MCF2L2: variants seen among roughly 807,000 people sequenced by gnomAD.
MCF2L2 encodes the protein MCF.2 cell line derived transforming sequence-like 2.
A neutral mutation model predicts 150.2 loss-of-function variants in MCF2L2; 102 were observed. That is an observed-to-expected ratio of 0.68 (90% CI 0.58 to 0.80). MCF2L2 has a LOEUF of 0.80. Ranked by LOEUF, MCF2L2 falls within the 30% of genes least tolerant of loss-of-function variation. The pLI is 0.00. For missense variants in MCF2L2, 1,256 were observed against 1,372.8 expected (o/e 0.91, Z 1.34); for synonymous variants, 465 against 491.3 (o/e 0.95, Z 0.71).
chr3:183,408,517 A>C (rs528063110), intron 1 of MCF2L2, among the ~76,000 whole-genome samples: 42 of 152,176 alleles, frequency 2.8e-4, no homozygotes, highest in Non-Finnish European at 4.4e-4. Flanking sequence ...GGTTATCCCC[A>C]CTCCTTCATA....
chr3:183,287,271 C>T (rs556690155), intron 14 of MCF2L2, among the ~76,000 whole-genome samples: 40 of 152,254 alleles, frequency 2.6e-4, no homozygotes, highest in African/African-American at 7.5e-4. Flanking sequence ...TTAAAACTCC[C>T]GTAGCATTTT....
intron 14 of MCF2L2, 141 bp downstream of exon 14, chr3:183,288,979 C>A: frequency 1.1e-5 from 6 of 557,902 alleles, no homozygotes; most frequent in African/African-American, 3.8e-5. Context: ...TCCTATAAAC[C>A]CCAGTTCTTG....
At chr3:183,423,642 T>TG (rs1716005692) in intron 1 of MCF2L2, among the ~76,000 whole-genome samples, 5 of 143,496 alleles carry the variant, frequency 3.5e-5, no homozygotes, top group African/African-American at 7.7e-5. Flanking sequence ...GTTTTTTTTT[T>TG]TTTTTTTTTT....
At chr3:183,311,942 C>T (rs928888369) in intron 7 of MCF2L2, among the ~76,000 whole-genome samples, 170 bp from the exon 8 acceptor site, 8 of 151,996 alleles carry the variant, frequency 5.3e-5, no homozygotes, top group Admixed American at 4.6e-4. Context: ...GGTAACACAC[C>T]GACATGATAC....
In MCF2L2 at chr3:183,338,781, G is replaced by A. The variant is rs1272071555; in HGVS notation, c.486+19C>T. The A allele has an allele frequency of 1.9e-6, 3 of 1,590,174 alleles. No individual in the cohort carries two copies. The highest frequency in any genetic ancestry group is 2.3e-5 in the South Asian group (2 of 88,306). On this transcript the variant is annotated intron_variant, in intron 5 of 29. Transcript: ENST00000328913. The stretch of plus-strand genomic sequence containing the variant: ...CAGAAGCCCTAACCAAATGAGACAA[G>A]ATGAAAGGTCTTGCTTACCGGCACT...
At chr3:183,326,192 C>T (rs1407781974) in intron 5 of MCF2L2, among the ~76,000 whole-genome samples, 1 of 152,030 alleles carries the variant, frequency 6.6e-6, no homozygotes, top group Non-Finnish European at 1.5e-5. Flanking sequence ...ATTTTTTAAA[C>T]TTTTTATCCT....
chr3:183,360,546 G>A (rs928734820), intron 3 of MCF2L2, among the ~76,000 whole-genome samples: 9 of 152,008 alleles, frequency 5.9e-5, no homozygotes, highest in African/African-American at 2.2e-4. Context: ...ACTCCAGCCT[G>A]GGTGACAGAA....
chr3:183,206,062 G>A, intron 24 of MCF2L2, 60 bp downstream of exon 24: 2 of 1,569,282 alleles, frequency 1.3e-6, no homozygotes, highest in Non-Finnish European at 1.8e-6. Flanking sequence ...CACTTGTCAA[G>A]TCATGGGAAC....
At chr3:183,422,309 T>C (rs1425276916) in intron 1 of MCF2L2, among the ~76,000 whole-genome samples, 3 of 152,214 alleles carry the variant, frequency 2.0e-5, no homozygotes, top group African/African-American at 7.2e-5. Flanking sequence ...CACTCAGTTT[T>C]AGCTAAAGTC....
At chr3:183,198,929 T>C (rs142268784) in intron 25 of MCF2L2, among the ~76,000 whole-genome samples, 100 of 152,314 alleles carry the variant, frequency 6.6e-4, no homozygotes, top group African/African-American at 2.3e-3. Flanking sequence ...CCATGACATA[T>C]ATTTAACATA....
intron 15 of MCF2L2, among the ~76,000 whole-genome samples, chr3:183,268,509 TG>T (rs58535820): frequency 4.0e-5 from 6 of 148,390 alleles, no homozygotes; most frequent in East Asian, 4.0e-4. Context: ...GTGGAGAAAA[TG>T]GGGGGGGCGG....
chr3:183,424,446 T>C (rs1036533878), intron 1 of MCF2L2, among the ~76,000 whole-genome samples: 1 of 152,230 alleles, frequency 6.6e-6, no homozygotes, highest in Non-Finnish European at 1.5e-5. Context: ...AACTGCCTGG[T>C]ACTCAATACT....
intron 5 of MCF2L2, among the ~76,000 whole-genome samples, chr3:183,338,156 C>T (rs376578454): frequency 3.3e-5 from 5 of 151,966 alleles, no homozygotes; most frequent in African/African-American, 1.2e-4. Context: ...ACCTAGAAAA[C>T]CTTCCCTGGG....
chr3:183,217,834 A>G (rs1336583056), intron 21 of MCF2L2, among the ~76,000 whole-genome samples: 13 of 152,198 alleles, frequency 8.5e-5, no homozygotes, highest in African/African-American at 3.1e-4. Context: ...GAAAAGCAGT[A>G]ACTAATTAAA....
intron 15 of MCF2L2, chr3:183,269,595 C>T (rs917378524): frequency 6.0e-6 from 3 of 503,248 alleles, no homozygotes; most frequent in Admixed American, 3.9e-5. Flanking sequence ...CCAGTGTCCT[C>T]GTTCTACAGG....
intron 25 of MCF2L2, among the ~76,000 whole-genome samples, chr3:183,199,621 C>A (rs1393865225): frequency 7.1e-6 from 1 of 141,608 alleles, no homozygotes; most frequent in East Asian, 2.1e-4. Flanking sequence ...TTTTTTTTTC[C>A]TTTTTTTTTT....
intron 1 of MCF2L2, among the ~76,000 whole-genome samples, chr3:183,401,095 G>A (rs934270226): frequency 6.6e-6 from 1 of 152,072 alleles, no homozygotes; most frequent in African/African-American, 2.4e-5. Context: ...TCTCAAACAA[G>A]GATATTCTTT....
At chr3:183,256,241 CTG>C (rs1227210593) in intron 15 of MCF2L2, among the ~76,000 whole-genome samples, 3 of 152,246 alleles carry the variant, frequency 2.0e-5, no homozygotes, top group Admixed American at 2.0e-4. Context: ...GTTCCAGAAA[CTG>C]AGGCACAGTA....
chr3:183,196,583 C>A (rs1280059864), intron 25 of MCF2L2, among the ~76,000 whole-genome samples: 2 of 152,138 alleles, frequency 1.3e-5, no homozygotes, highest in African/African-American at 4.8e-5. Flanking sequence ...GGTTCCCGCT[C>A]ACTCACCATC....
Sources: gnomAD v4.1 joint callset for allele counts (sites outside exome capture counted in the v4.1 genomes callset) on GRCh38, gnomAD v4.1.1 for gene constraint, MANE v1.5 for transcripts, NCBI Gene and HGNC (gene_info 2026-07-23, HGNC 2026-07-21) for gene names.